The following TMEM131 variants were observed in gnomAD, a reference collection of about 807,000 sequenced individuals.
TMEM131 encodes 2610524E03Rik.
Under a neutral mutation model 211.6 loss-of-function variants are expected in TMEM131, and 66 were observed. The observed-to-expected ratio is 0.31, with a 90% confidence interval of 0.26 to 0.38. The LOEUF is 0.38. TMEM131 is among the 10% of genes least tolerant of loss of function. The pLI, the probability that TMEM131 is intolerant of heterozygous loss-of-function variation, is 1.00. For synonymous variants in TMEM131, 844 were observed against 841.3 expected (o/e 1.00, Z -0.06); for missense variants, 2,036 against 2,299.3 (o/e 0.89, Z 2.34).
At chr2:97,759,203 G>A (rs1398884657) in intron 39 of TMEM131, 150 bp from the exon 40 acceptor site, 1 of 939,734 alleles carries the variant, frequency 1.1e-6, no homozygotes, top group East Asian at 2.5e-5. Flanking sequence ...AGAGGAAGTA[G>A]GGGCAGGAGT....
chr2:97,948,630 T>C (rs1269295224), intron 1 of TMEM131, among the ~76,000 whole-genome samples: 5 of 151,962 alleles, frequency 3.3e-5, no homozygotes, highest in African/African-American at 1.2e-4. Context: ...TGCAACCACT[T>C]TGGATAACAT....
chr2:97,865,494 A>T (rs1287824354), intron 4 of TMEM131, among the ~76,000 whole-genome samples: 2 of 152,176 alleles, frequency 1.3e-5, no homozygotes, highest in Non-Finnish European at 2.9e-5. Context: ...TCATGAAAGG[A>T]TGTTATTATC....
At chr2:97,962,475 G>C (rs1678863773) in intron 1 of TMEM131, among the ~76,000 whole-genome samples, 1 of 152,176 alleles carries the variant, frequency 6.6e-6, no homozygotes, top group Non-Finnish European at 1.5e-5. Flanking sequence ...CTGCACTCCA[G>C]CCTGGGCAAC....
rs777931121 is a variant in TMEM131, at chr2:97,796,905, T to G, written c.2952A>C (p.Pro984=). Residue 984 remains proline, a synonymous_variant, in exon 27 of 41, where the codon CCA becomes CCC. Transcript: ENST00000186436. ...TAAAGCGTAAGGAGCTTCCTGGACC[T>G]GGAAGCTTGCCTGCCACCCTCAAGT... ...TENLRVAGKL[P]GPGSSLRFKI... The G allele has an allele frequency of 2.3e-4, 365 of 1,613,562 alleles. 5 individuals are homozygous for G. In the South Asian group the frequency reaches 3.4e-3, roughly 15 times the overall value.
rs896934284 is a variant in TMEM131, at chr2:97,756,636, T to C, written c.*463A>G. 2 of 152,724 alleles carry C rather than the reference T, an allele frequency of 1.3e-5. No homozygotes were observed. The highest frequency in any genetic ancestry group is 2.9e-5 in the Non-Finnish European group (2 of 68,430). 9.5% of individuals were successfully genotyped at this position (152,724 alleles called of 1,614,324 possible). A position where few individuals can be genotyped will look rare whatever the true frequency, so the allele number is the denominator to read the frequency against. On this transcript the variant is annotated 3_prime_UTR_variant, in exon 41 of 41. Coordinates refer to ENST00000186436, the MANE Select transcript of TMEM131 (RefSeq NM_015348.2). ...CTCTATTTTCAGCACAAAGTCCTCATACAGTTTTAAAATTAGATCTTGGCG... is the reference window on the plus strand; with the variant it reads ...CTCTATTTTCAGCACAAAGTCCTCACACAGTTTTAAAATTAGATCTTGGCG...
chr2:97,761,015 C>T, intron 36 of TMEM131, 101 bp from the exon 37 acceptor site: 1 of 1,483,530 alleles, frequency 6.7e-7, no homozygotes, highest in Non-Finnish European at 9.2e-7. Context: ...GGCTTCTCTG[C>T]AGCGGGGCAG....
intron 1 of TMEM131, among the ~76,000 whole-genome samples, chr2:97,985,839 G>A (rs112660734): frequency 2.2e-4 from 34 of 151,946 alleles, no homozygotes; most frequent in African/African-American, 7.5e-4. Context: ...TGATGCCAAC[G>A]GACTGAAGAA....
chr2:97,974,681 GA>G (rs754643773), intron 1 of TMEM131, among the ~76,000 whole-genome samples: 3 of 151,212 alleles, frequency 2.0e-5, no homozygotes, highest in Non-Finnish European at 4.4e-5. Context: ...ATGCAAGTGG[GA>G]AGACAGTATC....
intron 22 of TMEM131, among the ~76,000 whole-genome samples, chr2:97,803,382 G>A (rs1471371054): frequency 1.3e-5 from 2 of 152,166 alleles, no homozygotes; most frequent in Non-Finnish European, 2.9e-5. Context: ...ACCTACGAGG[G>A]TTTTGTGCAG....
intron 11 of TMEM131, among the ~76,000 whole-genome samples, chr2:97,822,469 C>T (rs1682171686): frequency 6.6e-6 from 1 of 152,158 alleles, no homozygotes; most frequent in South Asian, 2.1e-4. Flanking sequence ...ATTTTTGGGG[C>T]ATAACATCTT....
chr2:97,939,577 G>A (rs1032464323), intron 1 of TMEM131, among the ~76,000 whole-genome samples: 95 of 152,162 alleles, frequency 6.2e-4, no homozygotes, highest in Non-Finnish European at 8.8e-5. Flanking sequence ...CAGATTCACA[G>A]CCGAATTCTA....
intron 11 of TMEM131, chr2:97,827,334 T>C (rs1055061344): frequency 3.7e-6 from 3 of 805,466 alleles, no homozygotes; most frequent in Non-Finnish European, 6.8e-6. Context: ...CTAAACCTCC[T>C]GCAAAAGTGG....
chr2:97,900,469 G>C (rs1675805258), intron 3 of TMEM131, among the ~76,000 whole-genome samples: 1 of 151,824 alleles, frequency 6.6e-6, no homozygotes, highest in South Asian at 2.1e-4. Context: ...TGTCCTCCAA[G>C]TTCATCCATG....
At chr2:97,831,664 C>CTTTTTTTTTTTTTTTTT (rs11378393) in intron 11 of TMEM131, among the ~76,000 whole-genome samples, 2 of 80,614 alleles carry the variant, frequency 2.5e-5, no homozygotes, top group African/African-American at 5.1e-5. Flanking sequence ...TCACATACCT[C>CTTTTTTTTTTTTTTTTT]TTTTTTTTTT....
intron 1 of TMEM131, among the ~76,000 whole-genome samples, chr2:97,945,101 G>A (rs910555538): frequency 6.6e-6 from 1 of 152,166 alleles, no homozygotes; most frequent in African/African-American, 2.4e-5. Flanking sequence ...ACAAAATGTG[G>A]TAAATCCATT....
chr2:97,919,023 ACATGTGGCCTTTC>A (rs1360784519), intron 2 of TMEM131, among the ~76,000 whole-genome samples: 1 of 152,166 alleles, frequency 6.6e-6, no homozygotes, highest in Non-Finnish European at 1.5e-5. Flanking sequence ...CCAGAAGACT[ACATGTGGCCTTTC>A]CATGTGGCTT....
chr2:97,824,154 T>C (rs1334745596), intron 11 of TMEM131, among the ~76,000 whole-genome samples: 2 of 152,120 alleles, frequency 1.3e-5, no homozygotes, highest in Non-Finnish European at 2.9e-5. Context: ...CAATGAAAAA[T>C]AAGCCACCCC....
At chr2:97,892,014 A>C (rs1675395847) in intron 3 of TMEM131, among the ~76,000 whole-genome samples, 2 of 152,202 alleles carry the variant, frequency 1.3e-5, no homozygotes, top group Admixed American at 1.3e-4. Context: ...AATTGATTTC[A>C]AATATGATTT....
At chr2:97,894,910 G>A (rs1197478948) in intron 3 of TMEM131, among the ~76,000 whole-genome samples, 3 of 152,108 alleles carry the variant, frequency 2.0e-5, no homozygotes, top group Non-Finnish European at 4.4e-5. Context: ...ATACTGTGTT[G>A]AATAGGGGTG....
Sources: allele counts gnomAD v4.1 joint callset (sites outside exome capture counted in the v4.1 genomes callset), GRCh38; gene constraint gnomAD v4.1.1; transcripts MANE v1.5; gene names NCBI Gene and HGNC (gene_info 2026-07-23, HGNC 2026-07-21).